The following VPS13B variants were observed in gnomAD, a reference collection of about 807,000 sequenced individuals.
VPS13B encodes intermembrane lipid transfer protein VPS13B.
A neutral mutation model predicts 426.4 loss-of-function variants in VPS13B; 285 were observed. The observed-to-expected ratio is 0.67, with a 90% CI of 0.61 to 0.74. The LOEUF is 0.74. VPS13B is among the 30% of genes least tolerant of loss of function. VPS13B has a pLI of 0.00. For synonymous variants in VPS13B, 1,676 were observed against 1,676.4 expected (o/e 1.00, Z 0.01); for missense variants, 4,537 against 4,782.6 (o/e 0.95, Z 1.51).
At chr8:99,660,104 T>C (rs1830166485) in intron 34 of VPS13B, among the ~76,000 whole-genome samples, 1 of 152,194 alleles carries the variant, frequency 6.6e-6, no homozygotes, top group South Asian at 2.1e-4. Flanking sequence ...TAAAAATCAC[T>C]GATGATATAA....
intron 30 of VPS13B, among the ~76,000 whole-genome samples, chr8:99,541,975 AG>A (rs1823646094): frequency 1.3e-5 from 2 of 152,344 alleles, no homozygotes; most frequent in South Asian, 2.1e-4. Context: ...AAGTTTCTAC[AG>A]GGAAAAGTTT....
At chr8:99,244,278 A>G (rs1817085034) in intron 17 of VPS13B, among the ~76,000 whole-genome samples, 1 of 152,246 alleles carries the variant, frequency 6.6e-6, no homozygotes, top group South Asian at 2.1e-4. Context: ...TTATAAAATA[A>G]TTCTTTGAAA....
At chr8:99,189,204 C>A (rs1813408588) in intron 16 of VPS13B, among the ~76,000 whole-genome samples, 1 of 152,232 alleles carries the variant, frequency 6.6e-6, no homozygotes, top group South Asian at 2.1e-4. Flanking sequence ...CTGCCTCGGC[C>A]TCCCAGAGTG....
intron 14 of VPS13B, among the ~76,000 whole-genome samples, chr8:99,149,918 A>T (rs1486720914): frequency 1.3e-5 from 2 of 152,186 alleles, no homozygotes; most frequent in Non-Finnish European, 2.9e-5. Flanking sequence ...GAACAATTTC[A>T]TTCTGAAACC....
At chr8:99,609,188 A>C (rs575613540) in intron 33 of VPS13B, among the ~76,000 whole-genome samples, 1 of 152,196 alleles carries the variant, frequency 6.6e-6, no homozygotes, top group Non-Finnish European at 1.5e-5. Context: ...TCTTTCACCC[A>C]TGCACGATTT....
At chr8:99,597,070 T>C (rs2133850238) in intron 33 of VPS13B, among the ~76,000 whole-genome samples, 1 of 152,166 alleles carries the variant, frequency 6.6e-6, no homozygotes, top group Middle Eastern at 3.4e-3. Flanking sequence ...AGTACGTCTA[T>C]AGTGACAAAT....
chr8:99,557,319 C>T (rs1303649267), intron 31 of VPS13B, among the ~76,000 whole-genome samples: 2 of 151,852 alleles, frequency 1.3e-5, no homozygotes, highest in African/African-American at 2.4e-5. Context: ...CCTGAGTCCC[C>T]AAAGTCCATT....
chr8:99,305,793 A>G (rs1309939444), intron 19 of VPS13B, among the ~76,000 whole-genome samples: 1 of 152,102 alleles, frequency 6.6e-6, no homozygotes. Flanking sequence ...GCTATTATCA[A>G]GAGGCAAAAA....
At chr8:99,159,064 A>T (rs188841470) in intron 15 of VPS13B, among the ~76,000 whole-genome samples, 1 of 152,338 alleles carries the variant, frequency 6.6e-6, no homozygotes, top group Admixed American at 6.5e-5. Context: ...TATTTACATT[A>T]ACAAGAGTTT....
intron 3 of VPS13B, among the ~76,000 whole-genome samples, chr8:99,038,993 G>A (rs932664518): frequency 3.3e-5 from 5 of 151,860 alleles, no homozygotes; most frequent in African/African-American, 1.2e-4. Context: ...CCTTTAATTT[G>A]TATATGCCTG....
chr8:99,405,392 T>A (rs1418770386), intron 21 of VPS13B, among the ~76,000 whole-genome samples: 1 of 152,192 alleles, frequency 6.6e-6, no homozygotes, highest in Non-Finnish European at 1.5e-5. Flanking sequence ...TCCATTCCAC[T>A]TCCAAGTTGT....
chr8:99,472,507 A>G (rs1280768994), intron 24 of VPS13B, among the ~76,000 whole-genome samples: 2 of 145,540 alleles, frequency 1.4e-5, no homozygotes, highest in Non-Finnish European at 3.0e-5. Context: ...ATATTGAATG[A>G]CACTAAAAAA....
At chr8:99,662,695 G>A (rs1254500645) in intron 35 of VPS13B, among the ~76,000 whole-genome samples, 2 of 152,026 alleles carry the variant, frequency 1.3e-5, no homozygotes, top group African/African-American at 4.8e-5. Flanking sequence ...CAATCCGCCT[G>A]CCTCAGCTTC....
intron 39 of VPS13B, among the ~76,000 whole-genome samples, chr8:99,760,723 T>C (rs1810886957): frequency 6.6e-6 from 1 of 152,228 alleles, no homozygotes; most frequent in African/African-American, 2.4e-5. Flanking sequence ...TTTGTATCCA[T>C]CAGTTCTACC....
chr8:99,264,691 G>A (rs1818216308), intron 17 of VPS13B, among the ~76,000 whole-genome samples: 1 of 151,972 alleles, frequency 6.6e-6, no homozygotes, highest in Non-Finnish European at 1.5e-5. Flanking sequence ...CTTTAGCCTT[G>A]ATGTTCAGGT....
At chr8:99,427,384 C>A (rs1357828983) in intron 21 of VPS13B, among the ~76,000 whole-genome samples, 1 of 143,468 alleles carries the variant, frequency 7.0e-6, no homozygotes, top group African/African-American at 2.6e-5. Context: ...TTAGGATTGA[C>A]TTGGCAATGC....
At chr8:99,333,285 A>C (rs1810644085) in intron 19 of VPS13B, among the ~76,000 whole-genome samples, 1 of 151,804 alleles carries the variant, frequency 6.6e-6, no homozygotes, top group Non-Finnish European at 1.5e-5. Flanking sequence ...AAGGCCACAT[A>C]TATGGTGATT....
At chr8:99,627,169 A>G (rs530308837) in intron 33 of VPS13B, among the ~76,000 whole-genome samples, 3 of 152,198 alleles carry the variant, frequency 2.0e-5, no homozygotes, top group Admixed American at 2.0e-4. Flanking sequence ...TTTCAGATAG[A>G]CAAGAGGCAT....
intron 30 of VPS13B, among the ~76,000 whole-genome samples, chr8:99,523,139 G>A (rs1822463224): frequency 6.6e-6 from 1 of 152,196 alleles, no homozygotes; most frequent in Non-Finnish European, 1.5e-5. Context: ...TTGTGGAAAG[G>A]GGAGGGAAGA....
Sources: allele counts gnomAD v4.1 joint callset (sites outside exome capture counted in the v4.1 genomes callset), GRCh38; gene constraint gnomAD v4.1.1; transcripts MANE v1.5; gene names NCBI Gene and HGNC (gene_info 2026-07-23, HGNC 2026-07-21).